Variants in SPATA16 observed in about 807,000 individuals in gnomAD.
SPATA16 encodes spermatogenesis-associated protein 16.
In SPATA16, 36 loss-of-function variants were observed where a neutral mutation model predicts 63.3. The ratio of observed to expected loss-of-function variants is 0.57; its 90% CI spans 0.44 to 0.75. The LOEUF (loss-of-function observed/expected upper bound fraction) is 0.75, where lower values mean the gene tolerates loss of function less well. Ranked by LOEUF, SPATA16 falls within the 30% of genes least tolerant of loss-of-function variation. The probability of loss-of-function intolerance (pLI) is 0.00; values close to 1 mark genes in which losing one functional copy is unlikely to be tolerated. For missense variants in SPATA16, 646 were observed against 679.3 expected (o/e 0.95, Z 0.54); for synonymous variants, 203 against 216.7 (o/e 0.94, Z 0.56).
intron 3 of SPATA16, among the ~76,000 whole-genome samples, chr3:173,040,743 A>T (rs1735820009): frequency 6.6e-6 from 1 of 152,122 alleles, no homozygotes; most frequent in Admixed American, 6.6e-5. Flanking sequence ...GTTTGCTGGG[A>T]TGTAGTTTAT....
intron 6 of SPATA16, 140 bp from the exon 7 acceptor site, chr3:172,925,632 A>C: frequency 1.0e-6 from 1 of 997,450 alleles, no homozygotes; most frequent in Admixed American, 2.3e-5. Flanking sequence ...TATTATGTGT[A>C]TCAAAAGGTC....
intron 2 of SPATA16, among the ~76,000 whole-genome samples, chr3:173,088,474 CAT>C (rs1439456888): frequency 2.6e-5 from 4 of 151,686 alleles, no homozygotes; most frequent in African/African-American, 7.3e-5. Context: ...TATTTAGAAA[CAT>C]ATTTTATATG....
At position 172,961,658 on chromosome 3, in the gene SPATA16, G is replaced by A. The variant is rs116650794; in HGVS notation, c.934-4834C>T. ...GATCCTTCTGCTTCGGCTTCCCAAAGTACTGGATTACAGGCGTGAGCCACC... is the reference window on the plus strand; with the variant it reads ...GATCCTTCTGCTTCGGCTTCCCAAAATACTGGATTACAGGCGTGAGCCACC... On this transcript the variant is annotated intron_variant, in intron 5 of 10. Transcript: ENST00000351008. 4.6e-3 allele frequency among the ~76,000 whole-genome samples: 697 copies of A among 152,294 alleles called. 6 individuals are homozygous for A. Among genetic ancestry groups the A allele is most frequent in the African/African-American group, 0.016 (677 of 41,562 alleles).
At position 173,069,956 on chromosome 3, in the gene SPATA16, CG is replaced by C. The variant is rs1487615213; in HGVS notation, c.613-20863del. On this transcript the variant is annotated intron_variant, in intron 2 of 10. Transcript: ENST00000351008. Reference sequence around the variant, plus strand: ...CAACATTCCCTTCATGATAAAAAGACGAAAAAAAAAAACTGGGTGTAGAGGG... The same window carrying C: ...CAACATTCCCTTCATGATAAAAAGACAAAAAAAAAAACTGGGTGTAGAGGG... 2.7e-4 allele frequency among the ~76,000 whole-genome samples: 34 copies of C among 124,708 alleles called. No homozygotes were observed. In the South Asian group the frequency reaches 7.7e-3, roughly 28 times the overall value. The allele number at this position is 124,708 out of a possible 152,430, so 81.8% of individuals were successfully genotyped here. A position where few individuals can be genotyped will look rare whatever the true frequency, so the allele number is the denominator to read the frequency against.
intron 6 of SPATA16, among the ~76,000 whole-genome samples, chr3:172,954,147 G>T (rs920733637): frequency 5.9e-5 from 9 of 152,212 alleles, no homozygotes; most frequent in African/African-American, 2.2e-4. Flanking sequence ...ACATACAGAA[G>T]ACTGGATAAT....
chr3:172,896,757 G>T (rs1233194872), intron 10 of SPATA16, among the ~76,000 whole-genome samples: 6 of 151,364 alleles, frequency 4.0e-5, no homozygotes, highest in African/African-American at 1.5e-4. Flanking sequence ...GTAAATGTCT[G>T]TTCAAATCTT....
At chr3:172,896,772 A>G (rs1360287493) in intron 10 of SPATA16, among the ~76,000 whole-genome samples, 2 of 149,834 alleles carry the variant, frequency 1.3e-5, no homozygotes, top group African/African-American at 4.9e-5. Context: ...AATCTTTGTC[A>G]TTTTCAAATT....
At chr3:173,124,392 A>C (rs1738171554) in intron 1 of SPATA16, among the ~76,000 whole-genome samples, 1 of 152,262 alleles carries the variant, frequency 6.6e-6, no homozygotes, top group African/African-American at 2.4e-5. Context: ...AGCTGAACTT[A>C]GTAAGAGAAG....
At chr3:173,114,179 CAAAAAAA>C (rs34754459) in intron 2 of SPATA16, among the ~76,000 whole-genome samples, 5 of 66,306 alleles carry the variant, frequency 7.5e-5, no homozygotes, top group African/African-American at 2.2e-4. Context: ...GACTCCATCT[CAAAAAAA>C]AAAAAAAAAA....
chr3:173,115,991 C>G (rs977251925), intron 2 of SPATA16, among the ~76,000 whole-genome samples: 1 of 151,766 alleles, frequency 6.6e-6, no homozygotes, highest in African/African-American at 2.4e-5. Context: ...CTCTTGGGCT[C>G]AAGAGATCCT....
At chr3:172,913,629 A>G (rs1202516889) in intron 10 of SPATA16, 32 bp downstream of exon 10, 1 of 1,595,630 alleles carries the variant, frequency 6.3e-7, no homozygotes, top group East Asian at 2.2e-5. Flanking sequence ...TTTGAGAATA[A>G]TAGATCTTTT....
At chr3:172,910,877 T>C (rs1237210770) in intron 10 of SPATA16, among the ~76,000 whole-genome samples, 4 of 152,240 alleles carry the variant, frequency 2.6e-5, no homozygotes, top group Non-Finnish European at 5.9e-5. Context: ...GGCTTTTGTA[T>C]TTCCTGTTGG....
chr3:172,989,342 C>T (rs776991593), intron 4 of SPATA16, among the ~76,000 whole-genome samples: 9 of 152,154 alleles, frequency 5.9e-5, no homozygotes, highest in Non-Finnish European at 8.8e-5. Context: ...CATAAAATGA[C>T]AGTTACTTCT....
At chr3:173,104,403 T>C (rs1737571763) in intron 2 of SPATA16, among the ~76,000 whole-genome samples, 1 of 152,126 alleles carries the variant, frequency 6.6e-6, no homozygotes, top group Non-Finnish European at 1.5e-5. Context: ...TAAGTTTGGG[T>C]AATTTATAAA....
At chr3:173,103,765 T>C (rs1737552356) in intron 2 of SPATA16, among the ~76,000 whole-genome samples, 1 of 152,250 alleles carries the variant, frequency 6.6e-6, no homozygotes, top group Admixed American at 6.5e-5. Context: ...AGCACCTAGC[T>C]ACATTTTAGT....
intron 2 of SPATA16, among the ~76,000 whole-genome samples, chr3:173,055,974 G>A (rs1228959698): frequency 2.0e-5 from 3 of 152,066 alleles, no homozygotes; most frequent in Non-Finnish European, 1.5e-5. Flanking sequence ...ATTTTATTCA[G>A]GACAATTTTA....
chr3:173,109,313 G>A (rs1737692650), intron 2 of SPATA16, among the ~76,000 whole-genome samples: 1 of 152,056 alleles, frequency 6.6e-6, no homozygotes, highest in Admixed American at 6.6e-5. Flanking sequence ...CTCTTCCCCT[G>A]CTGTGTCAAT....
intron 3 of SPATA16, among the ~76,000 whole-genome samples, chr3:173,029,691 T>C (rs1321912526): frequency 1.3e-5 from 2 of 152,198 alleles, no homozygotes. Context: ...TTTGAAAAGA[T>C]AGTCTGGAGC....
At chr3:172,991,749 T>C (rs1187024869) in intron 4 of SPATA16, among the ~76,000 whole-genome samples, 1 of 152,268 alleles carries the variant, frequency 6.6e-6, no homozygotes, top group East Asian at 1.9e-4. Context: ...AAAGGAAAGT[T>C]TCTATACACA....
Sources: gnomAD v4.1 joint callset for allele counts (sites outside exome capture counted in the v4.1 genomes callset) on GRCh38, gnomAD v4.1.1 for gene constraint, MANE v1.5 for transcripts, NCBI Gene and HGNC (gene_info 2026-07-23, HGNC 2026-07-21) for gene names.